The following LGR5 variants were observed in gnomAD, a reference collection of about 807,000 sequenced individuals.
LGR5 encodes leucine-rich repeat-containing G protein-coupled receptor 5.
A neutral mutation model predicts 76.7 loss-of-function variants in LGR5; 54 were observed. The ratio of observed to expected loss-of-function variants is 0.70; its 90% CI spans 0.57 to 0.88. The LOEUF is 0.88. LGR5 is among the 40% of genes least tolerant of loss of function. The pLI is 0.00. For synonymous variants in LGR5, 406 were observed against 421.9 expected (o/e 0.96, Z 0.46); for missense variants, 1,078 against 1,073.3 (o/e 1.00, Z -0.06).
intron 14 of LGR5, among the ~76,000 whole-genome samples, chr12:71,578,520 T>C (rs576940836): frequency 1.3e-5 from 2 of 152,326 alleles, no homozygotes; most frequent in South Asian, 4.1e-4. Context: ...TCAAATTAAA[T>C]ATAGCACCTT....
intron 2 of LGR5, among the ~76,000 whole-genome samples, chr12:71,506,592 A>T (rs182488655): frequency 6.6e-6 from 1 of 152,190 alleles, no homozygotes; most frequent in Non-Finnish European, 1.5e-5. Flanking sequence ...TGGAAACTTC[A>T]TCAAATATCT....
intron 2 of LGR5, among the ~76,000 whole-genome samples, chr12:71,513,712 A>C (rs1188773127): frequency 6.6e-6 from 1 of 152,220 alleles, no homozygotes; most frequent in Non-Finnish European, 1.5e-5. Flanking sequence ...TATATGTCCA[A>C]AAGCACTATA....
intron 1 of LGR5, among the ~76,000 whole-genome samples, chr12:71,483,104 C>T (rs1873681073): frequency 6.6e-6 from 1 of 152,016 alleles, no homozygotes; most frequent in South Asian, 2.1e-4. Context: ...AAAGGAACCA[C>T]CATATAAAAT....
At chr12:71,527,823 G>A (rs1876094302) in intron 3 of LGR5, among the ~76,000 whole-genome samples, 1 of 152,154 alleles carries the variant, frequency 6.6e-6, no homozygotes, top group South Asian at 2.1e-4. Flanking sequence ...TGTTGGTTCT[G>A]CCTGTTACAG....
chr12:71,509,116 G>A (rs1261249523), intron 2 of LGR5, among the ~76,000 whole-genome samples: 2 of 152,102 alleles, frequency 1.3e-5, no homozygotes, highest in South Asian at 4.1e-4. Context: ...AGAAAGAAAA[G>A]CTCAGAATCT....
chr12:71,554,441 G>A (rs1329187644), intron 5 of LGR5, among the ~76,000 whole-genome samples: 1 of 152,182 alleles, frequency 6.6e-6, no homozygotes, highest in Non-Finnish European at 1.5e-5. Flanking sequence ...GAGCAACTGG[G>A]GAGGTTAGGA....
At chr12:71,570,204 C>T (rs1184244930) in intron 11 of LGR5, among the ~76,000 whole-genome samples, 1 of 152,126 alleles carries the variant, frequency 6.6e-6, no homozygotes, top group Non-Finnish European at 1.5e-5. Flanking sequence ...GCTAATGCGT[C>T]CGGGGCTTAA....
intron 13 of LGR5, among the ~76,000 whole-genome samples, chr12:71,575,519 G>T (rs1878807572): frequency 6.6e-6 from 1 of 152,020 alleles, no homozygotes; most frequent in Non-Finnish European, 1.5e-5. Context: ...GATCAGTGTG[G>T]CCAACATGGT....
intron 2 of LGR5, among the ~76,000 whole-genome samples, chr12:71,508,821 CAGA>C (rs1177190624): frequency 1.4e-5 from 2 of 146,360 alleles, no homozygotes; most frequent in African/African-American, 2.5e-5. Flanking sequence ...GAAAGTATTT[CAGA>C]AGAACAGCTA....
chr12:71,566,404 A>C lies in LGR5; in HGVS notation c.858A>C (p.Ile286=), dbSNP rs368847527. The part of the protein sequence containing the change: ...AFVGNPSLIT[I]HFYDNPIQFV... ...TAATTGCTGTTTGGGTTTCTTTTAG[A>C]CATTTCTATGACAATCCCATCCAGT... The change falls in exon 9 of 18, where the codon ATA becomes ATC. Residue 286 remains isoleucine, a splice_region_variant and synonymous_variant. Transcript: ENST00000266674. 6.3e-6 allele frequency: 10 copies of C among 1,588,086 alleles called. No individual in the cohort carries two copies. The East Asian group carries it at 2.0e-4, about 32-fold the overall frequency.
At chr12:71,535,872 A>G (rs1044498661) in intron 4 of LGR5, among the ~76,000 whole-genome samples, 1 of 152,170 alleles carries the variant, frequency 6.6e-6, no homozygotes. Context: ...CCCCCTACAC[A>G]CACTGATTTA....
chr12:71,534,967 C>G (rs1876510471), intron 3 of LGR5, 148 bp from the exon 4 acceptor site: 1 of 543,516 alleles, frequency 1.8e-6, no homozygotes, highest in African/African-American at 1.9e-5. Flanking sequence ...ATTATCTTCA[C>G]TCTTCACAGG....
In LGR5 at chr12:71,494,134, G is replaced by T. The variant is rs943196902; in HGVS notation, c.213-10480G>T. On this transcript the variant is annotated intron_variant, in intron 1 of 17. Transcript: ENST00000266674. Reference sequence around the variant, plus strand: ...AATTTTTTATACTTTTTTTAGTAGAGACAGGGTTTCACCGTGTTAGCCAGG... The same window carrying T: ...AATTTTTTATACTTTTTTTAGTAGATACAGGGTTTCACCGTGTTAGCCAGG... Among the ~76,000 whole-genome samples, 54 of 150,572 alleles carry T rather than the reference G, an allele frequency of 3.6e-4. 2 individuals are homozygous for T. The highest frequency in any genetic ancestry group is 5.1e-4 in the Non-Finnish European group (35 of 67,992).
chr12:71,573,088 T>A, intron 13 of LGR5, 167 bp downstream of exon 13: 1 of 533,826 alleles, frequency 1.9e-6, no homozygotes, highest in Non-Finnish European at 3.3e-6. Flanking sequence ...CAGGAATAAA[T>A]CTAAAAGTAG....
intron 2 of LGR5, among the ~76,000 whole-genome samples, chr12:71,519,318 C>A (rs967906319): frequency 6.6e-6 from 1 of 152,190 alleles, no homozygotes; most frequent in South Asian, 2.1e-4. Flanking sequence ...TAGCACGTCA[C>A]CGCCACAACC....
chr12:71,477,480 G>T (rs34527321), intron 1 of LGR5, among the ~76,000 whole-genome samples: 13,221 of 148,560 alleles, frequency 0.089, 629 homozygotes, highest in Non-Finnish European at 0.11. Context: ...TAATATATAT[G>T]AAATATACTA....
intron 2 of LGR5, among the ~76,000 whole-genome samples, chr12:71,506,542 A>G (rs1874868334): frequency 6.6e-6 from 1 of 152,192 alleles, no homozygotes; most frequent in African/African-American, 2.4e-5. Flanking sequence ...TGAAAATGCT[A>G]CTATTAATAC....
chr12:71,493,263 C>A (rs1166707320), intron 1 of LGR5, among the ~76,000 whole-genome samples: 1 of 151,194 alleles, frequency 6.6e-6, no homozygotes. Flanking sequence ...AGTCAGCAGT[C>A]CTTTCCTCAG....
At chr12:71,578,754 G>T in intron 14 of LGR5, 50 bp from the exon 15 acceptor site, 1 of 1,510,658 alleles carries the variant, frequency 6.6e-7, no homozygotes, top group Non-Finnish European at 8.9e-7. Flanking sequence ...TAACATAAAC[G>T]TTTTATGCTA....
Sources: allele counts gnomAD v4.1 joint callset (sites outside exome capture counted in the v4.1 genomes callset), GRCh38; gene constraint gnomAD v4.1.1; transcripts MANE v1.5; gene names NCBI Gene and HGNC (gene_info 2026-07-23, HGNC 2026-07-21).